Variants in OC90 observed in about 807,000 individuals in gnomAD.
OC90 encodes otoconin-90.
A neutral mutation model predicts 47.3 loss-of-function variants in OC90; 46 were observed. The ratio of observed to expected loss-of-function variants is 0.97; its 90% CI spans 0.77 to 1.24. OC90 has a LOEUF of 1.24. OC90 is among the 50% of genes most tolerant of loss of function. OC90 has a pLI of 0.00. For synonymous variants in OC90, 271 were observed against 219.5 expected (o/e 1.23, Z -2.07); for missense variants, 688 against 583.9 (o/e 1.18, Z -1.84).
chr8:132,032,192 A>G (rs1822887696), intron 11 of OC90, 140 bp from the exon 12 acceptor site: 2 of 728,084 alleles, frequency 2.7e-6, no homozygotes, highest in African/African-American at 1.8e-5. Context: ...TTGGCTCACC[A>G]TTCTTCTGGG....
At chr8:132,034,005 C>G (rs1029737586) in intron 10 of OC90, among the ~76,000 whole-genome samples, 1 of 152,208 alleles carries the variant, frequency 6.6e-6, no homozygotes, top group Admixed American at 6.5e-5. Flanking sequence ...TTACTCAACT[C>G]CATTTCCTAT....
At chr8:132,031,030 C>T (rs1034580883) in intron 12 of OC90, among the ~76,000 whole-genome samples, 4 of 152,202 alleles carry the variant, frequency 2.6e-5, no homozygotes, top group African/African-American at 7.2e-5. Flanking sequence ...ATGCAGGTCT[C>T]TCCATTGGCC....
At chr8:132,046,864 G>A (rs34213858) in intron 2 of OC90, among the ~76,000 whole-genome samples, 47,116 of 152,078 alleles carry the variant, frequency 0.31, 7,544 homozygotes, top group East Asian at 0.48. Flanking sequence ...AATCTGTTCA[G>A]GAAGATGCCC....
intron 2 of OC90, among the ~76,000 whole-genome samples, chr8:132,048,899 C>T (rs4304313): frequency 0.33 from 50,362 of 151,268 alleles, 9,216 homozygotes; most frequent in Non-Finnish European, 0.39. Context: ...CACCAAAGGG[C>T]CTGCCTGCAG....
chr8:132,038,427 TAGGA>T (rs1341844115), intron 8 of OC90, among the ~76,000 whole-genome samples: 2 of 151,936 alleles, frequency 1.3e-5, no homozygotes, highest in African/African-American at 4.8e-5. Context: ...CTTACTTAGT[TAGGA>T]GAGACTTCAC....
At chr8:132,029,730 G>A (rs1405675662) in intron 12 of OC90, among the ~76,000 whole-genome samples, 3 of 152,126 alleles carry the variant, frequency 2.0e-5, no homozygotes, top group Admixed American at 6.5e-5. Context: ...TCAGGACCTC[G>A]TAAATACATG....
At chr8:132,027,149 C>T (rs141027075) in intron 13 of OC90, among the ~76,000 whole-genome samples, 264 of 152,262 alleles carry the variant, frequency 1.7e-3, no homozygotes, top group African/African-American at 5.9e-3. Flanking sequence ...ACCCACATTC[C>T]CAGGGCCCCT....
rs1822884171 is a variant in OC90, at chr8:132,032,018, A to G, written c.894T>C (p.Ser298=). ...CDRFTFLHLG[S]GDNMQVMPQL... is the part of the protein sequence containing the mutation. ...GTGGCATCACCTGCATGTTGTCCCC[A>G]CTTCCCAGGTGCAGGAAGGTGAATC... is the stretch of plus-strand genomic sequence containing the variant. The change falls in exon 12 of 14, where the codon AGT becomes AGC. Residue 298 remains serine, a synonymous_variant. Coordinates refer to ENST00000254627, the MANE Select transcript of OC90 (RefSeq NM_001080399.3). 3 of 1,613,960 alleles carry G rather than the reference A, an allele frequency of 1.9e-6. No homozygotes were observed. The highest frequency in any genetic ancestry group is 1.7e-6 in the Non-Finnish European group (2 of 1,179,868).
chr8:132,055,098 G>A, intron 1 of OC90, 25 bp from the exon 2 acceptor site: 1 of 1,263,382 alleles, frequency 7.9e-7, no homozygotes, highest in Non-Finnish European at 1.1e-6. Context: ...AGCAGAATAG[G>A]ATGGAAGCAT....
intron 2 of OC90, among the ~76,000 whole-genome samples, chr8:132,051,322 T>A (rs567471682): frequency 2.0e-5 from 3 of 152,332 alleles, no homozygotes; most frequent in African/African-American, 7.2e-5. Context: ...GAAGCATCCT[T>A]CACTCACCTA....
intron 2 of OC90, among the ~76,000 whole-genome samples, chr8:132,052,440 C>T (rs1287475062): frequency 6.6e-6 from 1 of 152,200 alleles, no homozygotes; most frequent in Non-Finnish European, 1.5e-5. Context: ...TTACTGCACT[C>T]TATTCCTTTG....
intron 13 of OC90, among the ~76,000 whole-genome samples, chr8:132,027,983 C>A (rs993308992): frequency 6.6e-6 from 1 of 152,118 alleles, no homozygotes; most frequent in Non-Finnish European, 1.5e-5. Context: ...GATCTTGGGC[C>A]TCAGTTGCCT....
At position 132,029,072 on chromosome 8, in the gene OC90, C is replaced by T; in HGVS notation, c.1138+1G>A. On this transcript the variant is annotated splice_donor_variant, in intron 13 of 13. Transcript: ENST00000254627. LOFTEE classifies it high-confidence loss of function. ...CTCAATGTGCAACCAACAGCACTTA[C>T]ACTTGGGCGTATGATCCACACACAC... 1 of 1,607,924 alleles carries T rather than the reference C, an allele frequency of 6.2e-7. No individual in the cohort carries two copies. Among genetic ancestry groups the T allele is most frequent in the Non-Finnish European group, 8.5e-7 (1 of 1,174,378 alleles).
chr8:132,026,152 C>G (rs1244540989), intron 13 of OC90, among the ~76,000 whole-genome samples: 1 of 152,078 alleles, frequency 6.6e-6, no homozygotes, highest in African/African-American at 2.4e-5. Context: ...TCTGGCAAAC[C>G]AACCCTATTT....
intron 11 of OC90, 136 bp downstream of exon 11, chr8:132,032,903 T>C: frequency 1.0e-6 from 1 of 988,642 alleles, no homozygotes; most frequent in Non-Finnish European, 1.4e-6. Context: ...AAGGTGCTCA[T>C]GCAGTCAGGG....
In OC90 at chr8:132,024,425, C is replaced by G; in HGVS notation, c.*56G>C. 2 of 1,339,562 alleles carry G rather than the reference C, an allele frequency of 1.5e-6. No individual in the cohort carries two copies. Among genetic ancestry groups the G allele is most frequent in the Non-Finnish European group, 2.0e-6 (2 of 978,294 alleles). 83.0% of individuals were successfully genotyped at this position (1,339,562 alleles called of 1,614,324 possible). A position where few individuals can be genotyped will look rare whatever the true frequency, so the allele number is the denominator to read the frequency against. ...ACAGAGGAGGCTGAGAGATAAAGAG[C>G]TGAAGGTGGAGCAGGAGCCACGCTA... On this transcript the variant is annotated 3_prime_UTR_variant, in exon 14 of 14. Transcript: ENST00000254627.
chr8:132,036,783 A>C (rs1822971110), intron 9 of OC90, among the ~76,000 whole-genome samples: 1 of 152,240 alleles, frequency 6.6e-6, no homozygotes, highest in Non-Finnish European at 1.5e-5. Flanking sequence ...TCATCTCTGA[A>C]TCTCGATCAC....
At chr8:132,038,248 T>C (rs564611956) in intron 8 of OC90, among the ~76,000 whole-genome samples, 1 of 152,322 alleles carries the variant, frequency 6.6e-6, no homozygotes, top group South Asian at 2.1e-4. Flanking sequence ...ATTAAGCACC[T>C]ACCCTGTTCT....
intron 6 of OC90, among the ~76,000 whole-genome samples, 154 bp from the exon 7 acceptor site, chr8:132,039,277 G>A (rs924185320): frequency 6.6e-6 from 1 of 152,078 alleles, no homozygotes. Flanking sequence ...TATCTCTTTA[G>A]GGGTGTAGAC....
Sources: allele counts gnomAD v4.1 joint callset (sites outside exome capture counted in the v4.1 genomes callset), GRCh38; gene constraint gnomAD v4.1.1; transcripts MANE v1.5; gene names NCBI Gene and HGNC (gene_info 2026-07-23, HGNC 2026-07-21).